The following FAM210A variants were observed in gnomAD, a reference collection of about 807,000 sequenced individuals.
FAM210A encodes the protein mitochondrial inner membrane scaffold 1, also known as family with sequence similarity 210 member A.
In FAM210A, 13 loss-of-function variants were observed where a neutral mutation model predicts 25.3. That is an observed-to-expected ratio of 0.51 (90% confidence interval 0.33 to 0.82). The LOEUF (loss-of-function observed/expected upper bound fraction) is 0.82, where lower values mean the gene tolerates loss of function less well. FAM210A is among the 40% of genes least tolerant of loss of function. The pLI, the probability that FAM210A is intolerant of heterozygous loss-of-function variation, is 0.02. For synonymous variants in FAM210A, 125 were observed against 118.7 expected (o/e 1.05, Z -0.35); for missense variants, 319 against 323.2 (o/e 0.99, Z 0.10).
intron 1 of FAM210A, among the ~76,000 whole-genome samples, chr18:13,690,612 C>T (rs1008312920): frequency 2.0e-5 from 3 of 152,220 alleles, no homozygotes; most frequent in Non-Finnish European, 4.4e-5. Context: ...TGCTGTTCTG[C>T]AGCCTCTGCT....
intron 1 of FAM210A, among the ~76,000 whole-genome samples, chr18:13,713,128 T>C (rs1367785369): frequency 6.6e-6 from 1 of 152,252 alleles, no homozygotes; most frequent in African/African-American, 2.4e-5. Context: ...AGAAGGCCTC[T>C]TTCCTTACAG....
intron 1 of FAM210A, among the ~76,000 whole-genome samples, chr18:13,714,621 A>C (rs960956218): frequency 1.3e-5 from 2 of 152,356 alleles, no homozygotes; most frequent in Non-Finnish European, 2.9e-5. Flanking sequence ...CAAAACAATT[A>C]TCTGGCTATT....
intron 2 of FAM210A, among the ~76,000 whole-genome samples, chr18:13,673,516 T>C (rs2043461971): frequency 6.6e-6 from 1 of 151,346 alleles, no homozygotes. Context: ...CCCCGGCTTC[T>C]TGATTTCCAG....
rs1348539102 is a variant in FAM210A, at chr18:13,664,363, T to C, written c.*2117A>G. 1 of 152,206 alleles carries C rather than the reference T, an allele frequency of 6.6e-6. No individual in the cohort carries two copies. Among genetic ancestry groups the C allele is most frequent in the African/African-American group, 2.4e-5 (1 of 41,500 alleles). 9.4% of individuals were successfully genotyped at this position (152,206 alleles called of 1,614,324 possible). Reference sequence around the variant, plus strand: ...TATCCCCACTGGAAAATATGCAACATGAAAAGTAAAAGGAAATTGTTTTAG... The same window carrying C: ...TATCCCCACTGGAAAATATGCAACACGAAAAGTAAAAGGAAATTGTTTTAG... On this transcript the variant is annotated 3_prime_UTR_variant, in exon 4 of 4. Transcript: ENST00000651643.
chr18:13,670,820 C>T (rs562759164), intron 3 of FAM210A: 1 of 152,410 alleles, frequency 6.6e-6, no homozygotes, highest in African/African-American at 2.4e-5. Context: ...CATGGAGAAA[C>T]CCCGTCTCTA....
intron 1 of FAM210A, among the ~76,000 whole-genome samples, chr18:13,685,585 C>G (rs950740489): frequency 2.0e-5 from 3 of 152,170 alleles, no homozygotes; most frequent in African/African-American, 7.2e-5. Context: ...AATTGCCAAT[C>G]AGAAAATCTT....
intron 1 of FAM210A, among the ~76,000 whole-genome samples, chr18:13,725,906 G>C (rs1298193490): frequency 6.6e-6 from 1 of 152,204 alleles, no homozygotes; most frequent in African/African-American, 2.4e-5. Context: ...ATGGCCTCTT[G>C]TGGCTTCCCA....
chr18:13,691,418 A>G (rs1271549623), intron 1 of FAM210A, among the ~76,000 whole-genome samples: 2 of 152,116 alleles, frequency 1.3e-5, no homozygotes, highest in East Asian at 3.9e-4. Flanking sequence ...CCACAAAGAT[A>G]CTCCACAAGA....
At chr18:13,693,742 T>G (rs1213050474) in intron 1 of FAM210A, among the ~76,000 whole-genome samples, 1 of 150,396 alleles carries the variant, frequency 6.6e-6, no homozygotes, top group African/African-American at 2.5e-5. Context: ...ATGGGCTGTA[T>G]CTCAAAATAA....
intron 1 of FAM210A, chr18:13,688,032 G>C (rs377115348): frequency 6.6e-6 from 1 of 152,040 alleles, no homozygotes; most frequent in Non-Finnish European, 1.5e-5. Flanking sequence ...AACAGAAACC[G>C]GCTCTCCAAA....
rs144661648 is a variant in FAM210A at position 13,704,416 on chromosome 18, G to A, written c.-29+21913C>T. The stretch of plus-strand genomic sequence containing the variant: ...AAACCTTGAAATAAAAGCACAATAG[G>A]GTTTTCTTAAAGAACTGATCTACTC... On this transcript the variant is annotated intron_variant, in intron 1 of 3. Coordinates refer to ENST00000651643, the MANE Select transcript of FAM210A (RefSeq NM_152352.4). Among the ~76,000 whole-genome samples the A allele has an allele frequency of 6.6e-5, 10 of 152,112 alleles. No homozygotes were observed. In the East Asian group the frequency reaches 1.9e-3, roughly 29 times the overall value.
Position 13,663,438 on chromosome 18 carries a change from A to G in FAM210A, c.*3042T>C, listed in dbSNP as rs2043375662. Reference sequence around the variant, plus strand: ...CTTTTTCTCCTTTCTTGAAATCTGTAAACAGCACCCTGCTGTATGTACAAA... The same window carrying G: ...CTTTTTCTCCTTTCTTGAAATCTGTGAACAGCACCCTGCTGTATGTACAAA... On this transcript the variant is annotated 3_prime_UTR_variant, in exon 4 of 4. Transcript: ENST00000651643. The G allele has an allele frequency of 1.3e-5, 2 of 152,052 alleles. No individual in the cohort carries two copies. Among genetic ancestry groups the G allele is most frequent in the South Asian group, 2.1e-4 (1 of 4,832 alleles). 9.4% of individuals were successfully genotyped at this position (152,052 alleles called of 1,614,324 possible). A position where few individuals can be genotyped will look rare whatever the true frequency, so the allele number is the denominator to read the frequency against.
chr18:13,682,648 C>G (rs991818945), intron 1 of FAM210A, among the ~76,000 whole-genome samples: 4 of 151,184 alleles, frequency 2.6e-5, no homozygotes, highest in African/African-American at 4.9e-5. Flanking sequence ...GCAGGCGGAT[C>G]GCTTGAGGTC....
chr18:13,704,698 AATT>A (rs1262394617), intron 1 of FAM210A, among the ~76,000 whole-genome samples: 8 of 152,184 alleles, frequency 5.3e-5, no homozygotes, highest in African/African-American at 1.9e-4. Context: ...CAAAATAAAA[AATT>A]ATGTTTAACT....
intron 1 of FAM210A, among the ~76,000 whole-genome samples, chr18:13,687,307 T>C (rs570266857): frequency 1.3e-5 from 2 of 152,230 alleles, no homozygotes; most frequent in East Asian, 3.9e-4. Context: ...ACTAGAGATG[T>C]CAGGTGATGG....
Position 13,726,440 on chromosome 18 carries a change from C to A in FAM210A, c.-140G>T. 1 of 152,586 alleles carries A rather than the reference C, an allele frequency of 6.6e-6. No homozygotes were observed. Among genetic ancestry groups the A allele is most frequent in the South Asian group, 2.0e-4 (1 of 4,912 alleles). The allele number at this position is 152,586 out of a possible 1,614,324, so 9.5% of individuals were successfully genotyped here. On this transcript the variant is annotated 5_prime_UTR_variant, in exon 1 of 4. Coordinates refer to ENST00000651643, the MANE Select transcript of FAM210A (RefSeq NM_152352.4). ...CAGAGCAGCCCGACAAAGCGTGGGTCCGCGTGCAGGAACCCGCCGGGCTCA... is the reference window on the plus strand; with the variant it reads ...CAGAGCAGCCCGACAAAGCGTGGGTACGCGTGCAGGAACCCGCCGGGCTCA...
intron 1 of FAM210A, among the ~76,000 whole-genome samples, chr18:13,720,245 C>T (rs1272561809): frequency 6.6e-6 from 1 of 152,154 alleles, no homozygotes; most frequent in Non-Finnish European, 1.5e-5. Context: ...TTCAATCTGC[C>T]ACTGACATTT....
At chr18:13,725,285 C>T (rs983515159) in intron 1 of FAM210A, among the ~76,000 whole-genome samples, 1 of 152,126 alleles carries the variant, frequency 6.6e-6, no homozygotes, top group African/African-American at 2.4e-5. Context: ...CTCAACTTAC[C>T]TCATTTCATA....
At chr18:13,723,054 G>T (rs550725061) in intron 1 of FAM210A, among the ~76,000 whole-genome samples, 1 of 152,164 alleles carries the variant, frequency 6.6e-6, no homozygotes, top group East Asian at 1.9e-4. Context: ...TCATTAATTC[G>T]ATTAAAATGT....
Sources: allele counts gnomAD v4.1 joint callset (sites outside exome capture counted in the v4.1 genomes callset), GRCh38; gene constraint gnomAD v4.1.1; transcripts MANE v1.5; gene names NCBI Gene and HGNC (gene_info 2026-07-23, HGNC 2026-07-21).